The following SPRED1 variants were observed in gnomAD, a reference collection of about 807,000 sequenced individuals.
The protein encoded by SPRED1 is sprouty-related, EVH1 domain-containing protein 1.
SPRED1 carries 18 observed loss-of-function variants against 52.3 expected under a neutral mutation model. The observed-to-expected ratio is 0.34, with a 90% CI of 0.24 to 0.51. SPRED1 has a LOEUF of 0.51. Ranked by LOEUF, SPRED1 falls within the 20% of genes least tolerant of loss-of-function variation. The pLI is 0.97. For missense variants in SPRED1, 485 were observed against 551.0 expected (o/e 0.88, Z 1.20); for synonymous variants, 155 against 179.7 (o/e 0.86, Z 1.10).
chr15:38,312,743 T>G (rs557968056), intron 2 of SPRED1, among the ~76,000 whole-genome samples: 16 of 152,208 alleles, frequency 1.1e-4, no homozygotes, highest in African/African-American at 3.6e-4. Context: ...TTTAGGAAAT[T>G]GGCTTGTTTC....
At chr15:38,293,355 C>A (rs1439647444) in intron 1 of SPRED1, among the ~76,000 whole-genome samples, 4 of 152,034 alleles carry the variant, frequency 2.6e-5, no homozygotes, top group Non-Finnish European at 4.4e-5. Flanking sequence ...GCCTCGGCCT[C>A]CCAAAGTGCT....
intron 4 of SPRED1, among the ~76,000 whole-genome samples, chr15:38,336,862 A>G (rs1174147665): frequency 1.3e-5 from 2 of 152,152 alleles, no homozygotes; most frequent in Non-Finnish European, 2.9e-5. Flanking sequence ...TGGGTGCACC[A>G]CAATCTCAGA....
At chr15:38,341,716 G>A (rs977279796) in intron 5 of SPRED1, among the ~76,000 whole-genome samples, 9 of 152,110 alleles carry the variant, frequency 5.9e-5, no homozygotes, top group African/African-American at 9.6e-5. Context: ...ATGATTTCAT[G>A]TATGACTTCA....
At chr15:38,270,628 A>T (rs62003495) in intron 1 of SPRED1, among the ~76,000 whole-genome samples, 124,835 of 151,424 alleles carry the variant, frequency 0.82, 52,208 homozygotes, top group Non-Finnish European at 0.9. Flanking sequence ...CAACTAGATG[A>T]TCTGAGAACT....
chr15:38,261,998 C>CTTTTTTTTTTTTTTTTTTTCTTTTTT (rs35445689), intron 1 of SPRED1, among the ~76,000 whole-genome samples: 1 of 135,670 alleles, frequency 7.4e-6, no homozygotes, highest in Non-Finnish European at 1.6e-5. Flanking sequence ...TCACCAAACT[C>CTTTTTTTTTTTTTTTTTTTCTTTTTT]TTTTTTTTTT....
intron 2 of SPRED1, among the ~76,000 whole-genome samples, chr15:38,311,018 T>G (rs1043829853): frequency 6.6e-6 from 1 of 152,186 alleles, no homozygotes; most frequent in Non-Finnish European, 1.5e-5. Context: ...CATCCTTGCC[T>G]TGTTTCAGAT....
intron 1 of SPRED1, among the ~76,000 whole-genome samples, chr15:38,289,107 G>A (rs562875665): frequency 3.3e-5 from 5 of 151,678 alleles, no homozygotes; most frequent in Non-Finnish European, 7.4e-5. Context: ...GGAATTTTTC[G>A]CTAAAACAAG....
chr15:38,284,227 T>C (rs1894754682), intron 1 of SPRED1, among the ~76,000 whole-genome samples: 1 of 152,162 alleles, frequency 6.6e-6, no homozygotes, highest in Non-Finnish European at 1.5e-5. Flanking sequence ...AATTTACTTT[T>C]AGTCAGTTTC....
rs1888507524 is a variant in SPRED1, at chr15:38,352,269, C to T, written c.*605C>T. ...ATATATATATATATATCTACTGTCA[C>T]ATTCCATATATTTTGAATATTTAAC... On this transcript the variant is annotated 3_prime_UTR_variant, in exon 7 of 7. Coordinates refer to ENST00000299084, the MANE Select transcript of SPRED1 (RefSeq NM_152594.3). 1 of 152,064 alleles carries T rather than the reference C, an allele frequency of 6.6e-6. No individual in the cohort carries two copies. 9.4% of individuals were successfully genotyped at this position (152,064 alleles called of 1,614,324 possible). A position where few individuals can be genotyped will look rare whatever the true frequency, so the allele number is the denominator to read the frequency against.
chr15:38,291,923 A>G (rs1894931912), intron 1 of SPRED1, among the ~76,000 whole-genome samples: 1 of 152,176 alleles, frequency 6.6e-6, no homozygotes, highest in Admixed American at 6.6e-5. Flanking sequence ...TACTTAAGCA[A>G]ATTTCTGCAG....
intron 1 of SPRED1, among the ~76,000 whole-genome samples, chr15:38,279,223 A>G (rs1894632903): frequency 6.6e-6 from 1 of 152,200 alleles, no homozygotes; most frequent in South Asian, 2.1e-4. Context: ...TACACCCACG[A>G]TATGATCGTA....
At chr15:38,292,129 A>G (rs552607876) in intron 1 of SPRED1, among the ~76,000 whole-genome samples, 3 of 152,158 alleles carry the variant, frequency 2.0e-5, no homozygotes, top group Admixed American at 2.0e-4. Flanking sequence ...TCAAAGTTCC[A>G]CAAATCTCTA....
intron 5 of SPRED1, among the ~76,000 whole-genome samples, chr15:38,347,794 C>T (rs1896173238): frequency 6.6e-6 from 1 of 151,714 alleles, no homozygotes; most frequent in Non-Finnish European, 1.5e-5. Flanking sequence ...TTTGAAGAAG[C>T]ATCTCTTATG....
intron 1 of SPRED1, among the ~76,000 whole-genome samples, chr15:38,280,023 A>C (rs1894654635): frequency 6.6e-6 from 1 of 152,170 alleles, no homozygotes; most frequent in Non-Finnish European, 1.5e-5. Flanking sequence ...GTCTCAGTGG[A>C]AACTTGGTCT....
chr15:38,341,418 T>C (rs1484776820), intron 5 of SPRED1, among the ~76,000 whole-genome samples: 1 of 151,984 alleles, frequency 6.6e-6, no homozygotes, highest in Non-Finnish European at 1.5e-5. Context: ...TTTTTTCCTT[T>C]TTTTCTCTCT....
chr15:38,268,026 C>T (rs1459332262), intron 1 of SPRED1: 1 of 152,154 alleles, frequency 6.6e-6, no homozygotes, highest in Non-Finnish European at 1.5e-5. Flanking sequence ...TCAGTGTTCA[C>T]ATAACTCTGA....
chr15:38,336,509 T>C (rs1165114615), intron 4 of SPRED1, among the ~76,000 whole-genome samples: 1 of 147,114 alleles, frequency 6.8e-6, no homozygotes, highest in South Asian at 2.1e-4. Context: ...TTTTCAGAAA[T>C]CTCTGGAACA....
chr15:38,272,492 A>T (rs1464233168), intron 1 of SPRED1, among the ~76,000 whole-genome samples: 5 of 151,814 alleles, frequency 3.3e-5, no homozygotes, highest in African/African-American at 1.2e-4. Context: ...CTGGTCTCGA[A>T]CTCCTGACCT....
chr15:38,253,254 C>T (rs1296715376), intron 1 of SPRED1, 37 bp downstream of exon 1: 7 of 1,555,214 alleles, frequency 4.5e-6, no homozygotes, highest in Admixed American at 3.8e-5. Flanking sequence ...TAATCCCCCT[C>T]CCCCTATCCG....
Sources: allele counts gnomAD v4.1 joint callset (sites outside exome capture counted in the v4.1 genomes callset), GRCh38; gene constraint gnomAD v4.1.1; transcripts MANE v1.5; gene names NCBI Gene and HGNC (gene_info 2026-07-23, HGNC 2026-07-21).